HPCAL4: variants seen among roughly 807,000 people sequenced by gnomAD.
HPCAL4 encodes the protein hippocalcin-like protein 4.
A neutral mutation model predicts 18.2 loss-of-function variants in HPCAL4; 16 were observed. The observed-to-expected ratio is 0.88, with a 90% CI of 0.59 to 1.33. HPCAL4 has a LOEUF of 1.33. Among genes scored for constraint, HPCAL4 ranks in the 40% most tolerant of loss-of-function variants. The pLI is 0.00. For missense variants in HPCAL4, 214 were observed against 256.6 expected, an observed-to-expected ratio of 0.83 and a Z score of 1.14; for synonymous variants, 80 against 97.5, an observed-to-expected ratio of 0.82 and a Z score of 1.06.
rs1362737844 is a variant in HPCAL4 at position 39,684,144 on chromosome 1, G to A, written c.171C>T (p.Pro57=). ...EFQQLYIKFF[P]YGDASKFAQH... ...GCGCGAACTTGGAGGCGTCGCCGTA[G>A]GGGAAGAACTGAGGGGGGTGCGGTG... Residue 57 remains proline, a synonymous_variant, in exon 3 of 4, where the codon CCC becomes CCT. Coordinates refer to ENST00000372844, the MANE Select transcript of HPCAL4 (RefSeq NM_016257.4). The A allele has an allele frequency of 1.2e-6, 2 of 1,612,304 alleles. No homozygotes were observed. Among genetic ancestry groups the A allele is most frequent in the South Asian group, 1.1e-5 (1 of 91,002 alleles).
Position 39,682,448 on chromosome 1 carries a change from C to T in HPCAL4, c.*88G>A, listed in dbSNP as rs1557752580. The T allele has an allele frequency of 2.3e-6, 3 of 1,290,434 alleles. No homozygotes were observed. Among genetic ancestry groups the T allele is most frequent in the Non-Finnish European group, 3.3e-6 (3 of 904,286 alleles). 79.9% of individuals were successfully genotyped at this position (1,290,434 alleles called of 1,614,324 possible). Reference sequence around the variant, plus strand: ...GGCCAGAGAGGGGGGCTGGAGTGTCCCTCCTCCTGGGAGGCCAGCCAGAGA... The same window carrying T: ...GGCCAGAGAGGGGGGCTGGAGTGTCTCTCCTCCTGGGAGGCCAGCCAGAGA... On this transcript the variant is annotated 3_prime_UTR_variant, in exon 4 of 4. Transcript: ENST00000372844.
At chr1:39,683,861 G>T in intron 3 of HPCAL4, 76 bp downstream of exon 3, 6 of 1,361,602 alleles carry the variant, frequency 4.4e-6, no homozygotes, top group Non-Finnish European at 5.1e-6. Context: ...CCCGAAGCCC[G>T]AGAGCAGCGC....
In HPCAL4 at chr1:39,689,866, C is replaced by G. The variant is rs1052354222; in HGVS notation, c.-9+1440G>C. On this transcript the variant is annotated intron_variant, in intron 1 of 3. Transcript: ENST00000372844. ...GCTCCCTGGTCAGGAGATTTTTTCTCTCTTTCCTCTCCTCCCTTTGCTCTT... is the reference window on the plus strand; with the variant it reads ...GCTCCCTGGTCAGGAGATTTTTTCTGTCTTTCCTCTCCTCCCTTTGCTCTT... Among the ~76,000 whole-genome samples, 3 of 152,336 alleles carry G rather than the reference C, an allele frequency of 2.0e-5. No homozygotes were observed. In the East Asian group the frequency reaches 5.8e-4, roughly 29 times the overall value.
chr1:39,684,057 GA>G lies in HPCAL4; in HGVS notation c.257del (p.Ile86ThrfsTer50). 1 of 1,614,038 alleles carries G rather than the reference GA, an allele frequency of 6.2e-7. No individual in the cohort carries two copies. Among genetic ancestry groups the G allele is most frequent in the Non-Finnish European group, 8.5e-7 (1 of 1,179,918 alleles). On this transcript the variant is annotated frameshift_variant, in exon 3 of 4. Transcript: ENST00000372844. LOFTEE classifies it high-confidence loss of function. ...GDGTIDFREF[I>X]CALSVTSRGS... ...CGCGGGAGGTGACCGACAGGGCGCA[GA>G]TGAACTCCCGGAAGTCGATGGTGCC...
intron 1 of HPCAL4, among the ~76,000 whole-genome samples, chr1:39,687,701 A>G (rs1297335089): frequency 1.3e-5 from 2 of 152,128 alleles, no homozygotes; most frequent in Non-Finnish European, 2.9e-5. Flanking sequence ...TCAGAAGGTC[A>G]AAGCTGAGCC....
Position 39,682,623 on chromosome 1 carries a change from G to A in HPCAL4, c.489C>T (p.Asp163=), listed in dbSNP as rs113385960. 3,770 of 1,614,210 alleles carry A rather than the reference G, an allele frequency of 2.3e-3. 6 individuals carry two copies. The highest frequency in any genetic ancestry group is 2.6e-3 in the Non-Finnish European group (3,100 of 1,180,022). ...TGAACTCCTCCAATGTAATCTGGTC[G>A]TCCTTATCCTGGTCCATCTTCTTGA... ...KIFKKMDQDK[D]DQITLEEFKE... Residue 163 remains aspartate, a synonymous_variant, in exon 4 of 4, where the codon GAC becomes GAT. Coordinates refer to ENST00000372844, the MANE Select transcript of HPCAL4 (RefSeq NM_016257.4).
chr1:39,684,619 A>G lies in HPCAL4; in HGVS notation c.-8-8T>C. ...TCTTCCCCATGGCGGGGCCTGTGGG[A>G]CAGAGGGATTCCTCCGACTGGGTCC... On this transcript the variant is annotated splice_region_variant and splice_polypyrimidine_tract_variant and intron_variant, in intron 1 of 3. Transcript: ENST00000372844. 1 of 1,570,842 alleles carries G rather than the reference A, an allele frequency of 6.4e-7. No individual in the cohort carries two copies. The highest frequency in any genetic ancestry group is 2.3e-5 in the East Asian group (1 of 44,146).
At position 39,680,251 on chromosome 1, in the gene HPCAL4, G is replaced by C. The variant is rs1374203334; in HGVS notation, c.*2285C>G. 1.3e-5 allele frequency: 2 copies of C among 152,296 alleles called. No individual in the cohort carries two copies. Among genetic ancestry groups the C allele is most frequent in the Non-Finnish European group, 2.9e-5 (2 of 68,044 alleles). 9.4% of individuals were successfully genotyped at this position (152,296 alleles called of 1,614,324 possible). A position where few individuals can be genotyped will look rare whatever the true frequency, so the allele number is the denominator to read the frequency against. ...AAATCCTCTTAGAGCCTTGGTTCAAGTCTTAGCCCTGTGTCACCTCCTGAC... is the reference window on the plus strand; with the variant it reads ...AAATCCTCTTAGAGCCTTGGTTCAACTCTTAGCCCTGTGTCACCTCCTGAC... On this transcript the variant is annotated 3_prime_UTR_variant, in exon 4 of 4. Coordinates refer to ENST00000372844, the MANE Select transcript of HPCAL4 (RefSeq NM_016257.4).
At position 39,680,431 on chromosome 1, in the gene HPCAL4, G is replaced by A. The variant is rs1383319037; in HGVS notation, c.*2105C>T. 2 of 152,164 alleles carry A rather than the reference G, an allele frequency of 1.3e-5. No individual in the cohort carries two copies. The highest frequency in any genetic ancestry group is 1.9e-4 in the East Asian group (1 of 5,196). The allele number at this position is 152,164 out of a possible 1,614,324, so 9.4% of individuals were successfully genotyped here. On this transcript the variant is annotated 3_prime_UTR_variant, in exon 4 of 4. Transcript: ENST00000372844. ...AAGCCATGAAATTCTGTGTGGTTGC[G>A]AATTAGGCTAGATTCAGCATTTGCA...
At chr1:39,689,793 C>T (rs542390082) in intron 1 of HPCAL4, among the ~76,000 whole-genome samples, 1 of 152,236 alleles carries the variant, frequency 6.6e-6, no homozygotes, top group Admixed American at 6.5e-5. Flanking sequence ...CACACCCTCA[C>T]CCAGCTTCAG....
In HPCAL4 at chr1:39,682,675, G is replaced by T. The variant is rs750128709; in HGVS notation, c.437C>A (p.Thr146Lys). 1 of 1,614,222 alleles carries T rather than the reference G, an allele frequency of 6.2e-7. No individual in the cohort carries two copies. Among genetic ancestry groups the T allele is most frequent in the Non-Finnish European group, 8.5e-7 (1 of 1,180,040 alleles). The stretch of plus-strand genomic sequence containing the variant: ...GATCTTGTCCACACGCTGCTGGGGC[G>T]TGAGCCCGTCCTGGTTCATGCGCAT... ...IMMRMNQDGLTPQQRVDKIFK... is the reference protein window; with the variant it reads ...IMMRMNQDGLKPQQRVDKIFK... Residue 146 changes from threonine (T) to lysine (K), a missense_variant, in exon 4 of 4, where the codon ACG becomes AAG. Thr to Lys is a moderately conservative substitution (Grantham distance 78). Coordinates refer to ENST00000372844, the MANE Select transcript of HPCAL4 (RefSeq NM_016257.4).
rs1168975065 is a variant in HPCAL4 at position 39,684,591 on chromosome 1, T to C, written c.13A>G (p.Asn5Asp). 6.2e-7 allele frequency: 1 copy of C among 1,602,916 alleles called. No individual in the cohort carries two copies. Among genetic ancestry groups the C allele is most frequent in the South Asian group, 1.1e-5 (1 of 89,404 alleles). Reference sequence around the variant, plus strand: ...AGCACCTCGGGGGCCAGCTTGCTGTTGGTCTTCCCCATGGCGGGGCCTGTG... The same window carrying C: ...AGCACCTCGGGGGCCAGCTTGCTGTCGGTCTTCCCCATGGCGGGGCCTGTG... MGKT[N>D]SKLAPEVLED... The change falls in exon 2 of 4, where the codon AAC becomes GAC. Residue 5 changes from asparagine (N) to aspartate (D), a missense_variant. Transcript: ENST00000372844.
chr1:39,682,767 C>A (rs374309217), intron 3 of HPCAL4, 34 bp from the exon 4 acceptor site: 17 of 1,597,226 alleles, frequency 1.1e-5, no homozygotes, highest in Non-Finnish European at 1.5e-5. Context: ...GTGTGAACAC[C>A]CACAAGGGGC....
intron 1 of HPCAL4, among the ~76,000 whole-genome samples, chr1:39,688,121 T>C (rs910098025): frequency 5.3e-5 from 8 of 152,100 alleles, no homozygotes; most frequent in African/African-American, 1.9e-4. Flanking sequence ...CTACTCTTGT[T>C]CAGCACAGAC....
At chr1:39,682,763 AC>A (rs1646637578) in intron 3 of HPCAL4, 30 bp from the exon 4 acceptor site, 1 of 1,607,908 alleles carries the variant, frequency 6.2e-7, no homozygotes, top group African/African-American at 1.3e-5. Context: ...GGAGGTGTGA[AC>A]ACCCACAAGG....
Position 39,681,148 on chromosome 1 carries a change from A to G in HPCAL4, c.*1388T>C, listed in dbSNP as rs1212400720. ...TCCAAAATTGGGAAGCAGGCATTGG[A>G]AAGCAGAACCAGCACACTTGGAAGA... is the stretch of plus-strand genomic sequence containing the variant. On this transcript the variant is annotated 3_prime_UTR_variant, in exon 4 of 4. Transcript: ENST00000372844. 1 of 152,428 alleles carries G rather than the reference A, an allele frequency of 6.6e-6. No homozygotes were observed. Among genetic ancestry groups the G allele is most frequent in the African/African-American group, 2.4e-5 (1 of 41,456 alleles). 9.4% of individuals were successfully genotyped at this position (152,428 alleles called of 1,614,324 possible).
At chr1:39,689,120 G>A (rs557898519) in intron 1 of HPCAL4, among the ~76,000 whole-genome samples, 1 of 152,164 alleles carries the variant, frequency 6.6e-6, no homozygotes, top group Non-Finnish European at 1.5e-5. Context: ...CCACTTTTGA[G>A]CAGGTTGAAG....
intron 1 of HPCAL4, among the ~76,000 whole-genome samples, chr1:39,685,097 C>T (rs1354254769): frequency 1.3e-5 from 2 of 152,240 alleles, no homozygotes; most frequent in Non-Finnish European, 2.9e-5. Flanking sequence ...CTCCCTCTTT[C>T]CTCTATACAA....
intron 1 of HPCAL4, among the ~76,000 whole-genome samples, chr1:39,688,417 C>T (rs1017310191): frequency 1.3e-5 from 2 of 152,194 alleles, no homozygotes; most frequent in African/African-American, 2.4e-5. Flanking sequence ...GTCTAACTTG[C>T]CATCAAGTCC....
Sources: allele counts gnomAD v4.1 joint callset (sites outside exome capture counted in the v4.1 genomes callset), GRCh38; gene constraint gnomAD v4.1.1; transcripts MANE v1.5; gene names NCBI Gene and HGNC (gene_info 2026-07-23, HGNC 2026-07-21).